Variants in SH2D4A observed in about 807,000 individuals in gnomAD.
The protein encoded by SH2D4A is SH2 domain-containing protein 4A.
In SH2D4A, 70 loss-of-function variants were observed where a neutral mutation model predicts 64.7. That is an observed-to-expected ratio of 1.08 (90% CI 0.89 to 1.32). SH2D4A has a LOEUF of 1.32. Ranked by LOEUF, SH2D4A falls within the 40% of genes most tolerant of loss-of-function variation. The pLI is 0.00. For missense variants in SH2D4A, 706 were observed against 540.1 expected, an observed-to-expected ratio of 1.31 and a Z score of -3.04; for synonymous variants, 268 against 200.7, an observed-to-expected ratio of 1.34 and a Z score of -2.83.
At chr8:19,366,375 G>A (rs987997955) in intron 7 of SH2D4A, among the ~76,000 whole-genome samples, 199 of 152,246 alleles carry the variant, frequency 1.3e-3, no homozygotes, top group African/African-American at 4.6e-3. Context: ...TGGTTACCGT[G>A]CTGTGCAGTA....
At position 19,324,671 on chromosome 8, in the gene SH2D4A, G is replaced by A. The variant is rs144569698; in HGVS notation, c.181+4943G>A. Among the ~76,000 whole-genome samples, 1,495 of 152,164 alleles carry A rather than the reference G, an allele frequency of 9.8e-3. 14 individuals are homozygous for A. Among genetic ancestry groups the A allele is most frequent in the South Asian group, 0.017 (83 of 4,818 alleles). On this transcript the variant is annotated intron_variant, in intron 2 of 9. Transcript: ENST00000265807. ...TTCTCTGCCTTCATCTTGAATATCT[G>A]TATTCCCCAGGGGGTGCCTCACACT... is the stretch of plus-strand genomic sequence containing the variant.
chr8:19,347,222 G>C (rs1187957537), intron 4 of SH2D4A, among the ~76,000 whole-genome samples: 1 of 152,168 alleles, frequency 6.6e-6, no homozygotes, highest in African/African-American at 2.4e-5. Flanking sequence ...GGGAATAGCT[G>C]GATTTCTCTG....
chr8:19,317,019 T>C (rs1022823702), intron 1 of SH2D4A, among the ~76,000 whole-genome samples: 1 of 152,034 alleles, frequency 6.6e-6, no homozygotes, highest in Admixed American at 6.6e-5. Flanking sequence ...ACTTTAAGGG[T>C]TTTAGATTCT....
chr8:19,351,709 T>G (rs1303863639), intron 4 of SH2D4A, among the ~76,000 whole-genome samples: 3 of 152,146 alleles, frequency 2.0e-5, no homozygotes, highest in African/African-American at 7.2e-5. Flanking sequence ...GTCCTGACAA[T>G]GTTCTGTTTG....
At position 19,391,067 on chromosome 8, in the gene SH2D4A, C is replaced by T. The variant is rs550269987; in HGVS notation, c.1049-2251C>T. 5.4e-4 allele frequency among the ~76,000 whole-genome samples: 82 copies of T among 152,222 alleles called. 1 individual carries two copies. In the South Asian group the frequency reaches 8.9e-3, roughly 17 times the overall value. On this transcript the variant is annotated intron_variant, in intron 8 of 9. Coordinates refer to ENST00000265807, the MANE Select transcript of SH2D4A (RefSeq NM_022071.4). ...TTTTTCCAAGATGCTGCTTCTCCTC[C>T]GGTCGTGGCTCCTTGTTTCTGAAGG...
At position 19,364,262 on chromosome 8, in the gene SH2D4A, A is replaced by G. The variant is rs139655444; in HGVS notation, c.897A>G (p.Ala299=). 57 of 1,614,060 alleles carry G rather than the reference A, an allele frequency of 3.5e-5. No individual in the cohort carries two copies. The African/African-American group carries it at 7.5e-4, about 21-fold the overall frequency. ...AGCCTCAGTTCCTAAACTCAGGGGC[A>G]TATCCTCAAAAACCTCTTAGGTAAG... The part of the protein sequence containing the change: ...PPKPQFLNSG[A]YPQKPLRNQG... Residue 299 remains alanine, a synonymous_variant, in exon 7 of 10, where the codon GCA becomes GCG. Coordinates refer to ENST00000265807, the MANE Select transcript of SH2D4A (RefSeq NM_022071.4).
chr8:19,362,694 C>T (rs1193345429), intron 6 of SH2D4A, among the ~76,000 whole-genome samples: 3 of 151,606 alleles, frequency 2.0e-5, no homozygotes, highest in Admixed American at 6.6e-5. Context: ...GAGCCGAGAT[C>T]GTACCACTGC....
rs1045628193 is a variant in SH2D4A at position 19,339,831 on chromosome 8, G to A, written c.513+4974G>A. On this transcript the variant is annotated intron_variant, in intron 4 of 9. Coordinates refer to ENST00000265807, the MANE Select transcript of SH2D4A (RefSeq NM_022071.4). ...ACATTTTTCTTAGCTTAAATGTATC[G>A]ACAGTGAGGAGAGGATCCCAAGGTT... 7.2e-5 allele frequency among the ~76,000 whole-genome samples: 11 copies of A among 152,150 alleles called. 1 individual carries two copies. The highest frequency in any genetic ancestry group is 5.2e-4 in the Admixed American group (8 of 15,286).
At chr8:19,372,786 G>A (rs1292678327) in intron 7 of SH2D4A, among the ~76,000 whole-genome samples, 1 of 151,486 alleles carries the variant, frequency 6.6e-6, no homozygotes, top group Non-Finnish European at 1.5e-5. Context: ...TCTGCTGCCT[G>A]TATCTTTGTC....
intron 4 of SH2D4A, among the ~76,000 whole-genome samples, chr8:19,347,426 T>C (rs929813121): frequency 6.6e-6 from 1 of 152,180 alleles, no homozygotes; most frequent in Non-Finnish European, 1.5e-5. Context: ...AGAGACCCTC[T>C]ATGTGGATAG....
chr8:19,394,231 C>A (rs75311544), intron 9 of SH2D4A, among the ~76,000 whole-genome samples: 2 of 152,148 alleles, frequency 1.3e-5, no homozygotes, highest in Non-Finnish European at 2.9e-5. Flanking sequence ...GATGTAAATA[C>A]AGATGAAGCT....
chr8:19,327,208 A>G (rs1412803624), intron 2 of SH2D4A, among the ~76,000 whole-genome samples: 1 of 152,192 alleles, frequency 6.6e-6, no homozygotes, highest in Admixed American at 6.5e-5. Context: ...AGAAACCCCC[A>G]AGATAGCAAA....
chr8:19,391,171 C>T (rs1426866982), intron 8 of SH2D4A, among the ~76,000 whole-genome samples: 2 of 152,160 alleles, frequency 1.3e-5, no homozygotes, highest in Non-Finnish European at 2.9e-5. Context: ...TTGCCATGTG[C>T]AGTCCCCGCA....
intron 2 of SH2D4A, among the ~76,000 whole-genome samples, chr8:19,324,125 G>A (rs780943074): frequency 2.2e-4 from 33 of 152,206 alleles, no homozygotes; most frequent in Non-Finnish European, 3.7e-4. Flanking sequence ...ATGTGCTCGC[G>A]TCAGGAATCT....
intron 4 of SH2D4A, among the ~76,000 whole-genome samples, chr8:19,350,565 CCT>C (rs1212407658): frequency 6.6e-6 from 1 of 152,058 alleles, no homozygotes; most frequent in Non-Finnish European, 1.5e-5. Flanking sequence ...TCACTGTAGC[CCT>C]GACCTCCCCA....
At chr8:19,394,231 C>T (rs75311544) in intron 9 of SH2D4A, among the ~76,000 whole-genome samples, 1 of 152,148 alleles carries the variant, frequency 6.6e-6, no homozygotes, top group East Asian at 1.9e-4. Flanking sequence ...GATGTAAATA[C>T]AGATGAAGCT....
intron 8 of SH2D4A, chr8:19,375,173 T>C (rs1274183066): frequency 6.6e-6 from 1 of 152,224 alleles, no homozygotes; most frequent in Non-Finnish European, 1.5e-5. Context: ...TTTTCACTTG[T>C]ACACATATTT....
chr8:19,379,654 C>T (rs914892613), intron 8 of SH2D4A, among the ~76,000 whole-genome samples: 1 of 152,138 alleles, frequency 6.6e-6, no homozygotes, highest in African/African-American at 2.4e-5. Context: ...GTGGCTATGC[C>T]ATACTAATTT....
intron 7 of SH2D4A, 95 bp from the exon 8 acceptor site, chr8:19,373,435 T>G: frequency 1.3e-6 from 1 of 779,104 alleles, no homozygotes; most frequent in Non-Finnish European, 1.8e-6. Flanking sequence ...TGTATATGTA[T>G]GTGTGTGTGT....
Sources: allele counts gnomAD v4.1 joint callset (sites outside exome capture counted in the v4.1 genomes callset), GRCh38; gene constraint gnomAD v4.1.1; transcripts MANE v1.5; gene names NCBI Gene and HGNC (gene_info 2026-07-23, HGNC 2026-07-21).